The following TRIM66 variants were observed in gnomAD, a reference collection of about 807,000 sequenced individuals.
TRIM66 encodes the protein tripartite motif-containing protein 66.
In TRIM66, 99 loss-of-function variants were observed where a neutral mutation model predicts 148.2. The observed-to-expected ratio is 0.67, with a 90% CI of 0.57 to 0.79. The LOEUF is 0.79. Ranked by LOEUF, TRIM66 falls within the 30% of genes least tolerant of loss-of-function variation. TRIM66 has a pLI of 0.00. For missense variants in TRIM66, 1,666 were observed against 1,697.9 expected, an observed-to-expected ratio of 0.98 and a Z score of 0.33; for synonymous variants, 616 against 635.9, an observed-to-expected ratio of 0.97 and a Z score of 0.47.
intron 6 of TRIM66, chr11:8,658,592 G>C (rs1196762704): frequency 5.0e-6 from 1 of 201,492 alleles, no homozygotes; most frequent in South Asian, 1.7e-4. Context: ...TAGGAAGAAT[G>C]ATGCAATCTG....
Position 8,616,347 on chromosome 11 carries a change from C to T in TRIM66, c.*1597G>A, listed in dbSNP as rs2033720157. 1.3e-5 allele frequency: 2 copies of T among 152,242 alleles called. No homozygotes were observed. Among genetic ancestry groups the T allele is most frequent in the Middle Eastern group, 3.4e-3 (1 of 294 alleles). The allele number at this position is 152,242 out of a possible 1,614,324, so 9.4% of individuals were successfully genotyped here. On this transcript the variant is annotated 3_prime_UTR_variant, in exon 25 of 25. Coordinates refer to ENST00000646038, the MANE Select transcript of TRIM66 (RefSeq NM_001388022.1). The stretch of plus-strand genomic sequence containing the variant: ...TAAAAAACTGCTCATTAGCAAAGGC[C>T]CTACAAACAAGAACATCCTTGAACT...
intron 15 of TRIM66, among the ~76,000 whole-genome samples, chr11:8,631,036 A>G (rs2035345254): frequency 6.6e-6 from 1 of 152,166 alleles, no homozygotes; most frequent in African/African-American, 2.4e-5. Flanking sequence ...TATTCTAATG[A>G]TTGCCACATG....
In TRIM66 at chr11:8,648,509, G is replaced by A; in HGVS notation, c.632C>T (p.Pro211Leu). ...CTTGAGTACTTCCTGTGTGTGTAGA[G>A]GACAATACAAGGTGAAGTCTCCGGG... is the stretch of plus-strand genomic sequence containing the variant. The part of the protein sequence containing the change: ...GGPGDFTLYC[P>L]LHTQEVLKLF... Residue 211 changes from proline to leucine, a missense_variant, in exon 9 of 25, where the codon CCT becomes CTT. Physicochemically the swap from Pro to Leu is moderately conservative, Grantham distance 98. Coordinates refer to ENST00000646038, the MANE Select transcript of TRIM66 (RefSeq NM_001388022.1). The A allele has an allele frequency of 6.4e-7, 1 of 1,551,690 alleles. No individual in the cohort carries two copies.
intron 11 of TRIM66, 62 bp downstream of exon 11, chr11:8,646,385 G>T: frequency 1.5e-6 from 2 of 1,367,806 alleles, no homozygotes; most frequent in South Asian, 1.2e-5. Context: ...TAGGTCCTGG[G>T]ACTAGCTTGA....
Position 8,641,168 on chromosome 11 carries a change from A to G in TRIM66, c.1223-16T>C. ...GTTATGCAGCCTGAAAATGCAGAAT[A>G]GAGAGTTTTTCAAAAGTTTTTCAAG... On this transcript the variant is annotated splice_polypyrimidine_tract_variant and intron_variant, in intron 13 of 24. Transcript: ENST00000646038. 3 of 1,534,068 alleles carry G rather than the reference A, an allele frequency of 2.0e-6. No homozygotes were observed. The highest frequency in any genetic ancestry group is 2.6e-6 in the Non-Finnish European group (3 of 1,135,990).
In TRIM66 at chr11:8,641,026, T is replaced by G; in HGVS notation, c.1349A>C (p.His450Pro). 1.3e-6 allele frequency: 2 copies of G among 1,551,560 alleles called. No homozygotes were observed. Among genetic ancestry groups the G allele is most frequent in the Non-Finnish European group, 1.7e-6 (2 of 1,146,988 alleles). ...SPVAQQEALS[H>P]PSHKFQSPAV... The stretch of plus-strand genomic sequence containing the variant: ...TGGAGACTGGAACTTGTGTGAGGGG[T>G]GGCTAAGAGCCTCTTGCTGAGCCAC... The change falls in exon 14 of 25, where the codon CAC (histidine) becomes CCC (proline). Residue 450 changes from histidine (H) to proline (P), a missense_variant. By Grantham distance (77) the His-to-Pro change is moderately conservative. This residue lies in a region of TRIM66 where 1,431 missense variants were observed against 1,412.4 expected (regional missense o/e 1.01). Coordinates refer to ENST00000646038, the MANE Select transcript of TRIM66 (RefSeq NM_001388022.1).
chr11:8,659,227 G>C (rs750344628), intron 6 of TRIM66, among the ~76,000 whole-genome samples: 1 of 152,102 alleles, frequency 6.6e-6, no homozygotes, highest in Non-Finnish European at 1.5e-5. Flanking sequence ...CTAAGCTCAG[G>C]AGCTTGACCT....
At chr11:8,682,997 C>G (rs2039516449), upstream of TRIM66, 1 of 919,992 alleles carries the variant, frequency 1.1e-6, no homozygotes, top group African/African-American at 1.7e-5. Flanking sequence ...TGTGTTAGGC[C>G]CGCGGTTCGG....
Position 8,672,021 on chromosome 11 carries a change from G to A in TRIM66, c.105C>T (p.Gly35=). The A allele has an allele frequency of 6.5e-7, 1 of 1,535,984 alleles. No homozygotes were observed. Among genetic ancestry groups the A allele is most frequent in the South Asian group, 1.2e-5 (1 of 84,060 alleles). Residue 35 remains glycine, a synonymous_variant, in exon 6 of 25, where the codon GGC becomes GGT. Transcript: ENST00000646038. ...AGCTCATGCCCATGTCCACAGCCATGCCTGTGCCCAGGACTGGGGCTTTTC... is the reference window on the plus strand; with the variant it reads ...AGCTCATGCCCATGTCCACAGCCATACCTGTGCCCAGGACTGGGGCTTTTC... ...ISGKAPVLGT[G]MAVDMGMSFM...
chr11:8,648,971 T>C (rs112803619), intron 8 of TRIM66, among the ~76,000 whole-genome samples: 94 of 152,362 alleles, frequency 6.2e-4, no homozygotes, highest in African/African-American at 2.2e-3. Flanking sequence ...CTGGTTCCTG[T>C]GGATTTGACA....
chr11:8,677,343 G>A (rs1177678511), intron 3 of TRIM66, among the ~76,000 whole-genome samples: 1 of 152,120 alleles, frequency 6.6e-6, no homozygotes, highest in Non-Finnish European at 1.5e-5. Context: ...TCACTTGCCT[G>A]GCACCTAGCA....
intron 13 of TRIM66, among the ~76,000 whole-genome samples, chr11:8,641,513 G>A (rs1029347791): frequency 1.4e-4 from 21 of 152,194 alleles, no homozygotes; most frequent in African/African-American, 4.6e-4. Context: ...CTTTGGGGTT[G>A]GGAGGGAGTA....
chr11:8,682,793 T>C (rs747721281), upstream of TRIM66: 1 of 1,613,160 alleles, frequency 6.2e-7, no homozygotes, highest in Non-Finnish European at 8.5e-7. Context: ...AAGGCCTTCC[T>C]TTTTCGTCTG....
intron 15 of TRIM66, among the ~76,000 whole-genome samples, chr11:8,634,582 G>C (rs1345675590): frequency 6.6e-6 from 1 of 152,192 alleles, no homozygotes; most frequent in East Asian, 1.9e-4. Flanking sequence ...GGGTTGCTGT[G>C]GTAGGGTTGT....
At position 8,664,227 on chromosome 11, in the gene TRIM66, T is replaced by C. The variant is rs1194836614; in HGVS notation, c.340+7559A>G. 2.6e-5 allele frequency among the ~76,000 whole-genome samples: 4 copies of C among 152,230 alleles called. No individual in the cohort carries two copies. The East Asian group carries it at 7.7e-4, about 29-fold the overall frequency. On this transcript the variant is annotated intron_variant, in intron 6 of 24. Coordinates refer to ENST00000646038, the MANE Select transcript of TRIM66 (RefSeq NM_001388022.1). ...AACGTATCTATACTTCAAAACATCA[T>C]GTTGTACACTGTAAATACATACAGT... is the stretch of plus-strand genomic sequence containing the variant.
Position 8,619,448 on chromosome 11 carries a change from T to C in TRIM66, c.3835A>G (p.Thr1279Ala). 6.4e-7 allele frequency: 1 copy of C among 1,551,030 alleles called. No individual in the cohort carries two copies. The highest frequency in any genetic ancestry group is 1.2e-5 in the South Asian group (1 of 83,958). Residue 1279 changes from threonine to alanine, a missense_variant, in exon 23 of 25, where the codon ACC (threonine) becomes GCC (alanine). Coordinates refer to ENST00000646038, the MANE Select transcript of TRIM66 (RefSeq NM_001388022.1). ...KLQKKDPAHYTTPEEVVSDVR... is the reference protein window; with the variant it reads ...KLQKKDPAHYATPEEVVSDVR... ...TCTGATACCACCTCCTCTGGGGTGG[T>C]ATAGTGAGCTGGGTCCTTCTTTTGC...
At chr11:8,625,664 C>T (rs748793292) in intron 15 of TRIM66, among the ~76,000 whole-genome samples, 2 of 152,198 alleles carry the variant, frequency 1.3e-5, no homozygotes, top group African/African-American at 2.4e-5. Flanking sequence ...TCCCCTCTGA[C>T]TATACCACCA....
chr11:8,649,945 A>G (rs1263745758), intron 7 of TRIM66, 58 bp from the exon 8 acceptor site: 6 of 1,523,526 alleles, frequency 3.9e-6, no homozygotes, highest in Non-Finnish European at 5.3e-6. Context: ...CTGCCTCCAC[A>G]AGTGGTAAAT....
chr11:8,670,141 T>C (rs2038851853), intron 6 of TRIM66, among the ~76,000 whole-genome samples: 1 of 151,814 alleles, frequency 6.6e-6, no homozygotes, highest in Non-Finnish European at 1.5e-5. Flanking sequence ...GCCTCCCGAG[T>C]AGCTGGGACT....
Sources: gnomAD v4.1 joint callset for allele counts (sites outside exome capture counted in the v4.1 genomes callset) on GRCh38, gnomAD v4.1.1 for gene constraint, gnomAD v4.1.1 regional missense constraint, MANE v1.5 for transcripts, NCBI Gene and HGNC (gene_info 2026-07-23, HGNC 2026-07-21) for gene names.